NBAS: variants seen among roughly 807,000 people sequenced by gnomAD.
NBAS encodes the protein NAG/BC035112 fusion.
NBAS carries 219 observed loss-of-function variants against 302.5 expected under a neutral mutation model. The observed-to-expected ratio is 0.72, with a 90% CI of 0.65 to 0.81. The LOEUF (loss-of-function observed/expected upper bound fraction) is 0.81, where lower values mean the gene tolerates loss of function less well. NBAS is among the 30% of genes least tolerant of loss of function. The probability of loss-of-function intolerance (pLI) is 0.00; values close to 1 mark genes in which losing one functional copy is unlikely to be tolerated. For synonymous variants in NBAS, 1,118 were observed against 1,021.6 expected, an observed-to-expected ratio of 1.09 and a Z score of -1.80; for missense variants, 2,932 against 2,841.6, an observed-to-expected ratio of 1.03 and a Z score of -0.72.
chr2:15,084,572 C>T, the NBAS span, among the ~76,000 whole-genome samples: 1 of 152,104 alleles, frequency 6.6e-6, no homozygotes, highest in Non-Finnish European at 1.5e-5. Flanking sequence ...AACTGTGGCT[C>T]CATAAGGTGA....
the NBAS span, among the ~76,000 whole-genome samples, chr2:14,885,299 G>A: frequency 2.0e-5 from 3 of 152,142 alleles, no homozygotes; most frequent in African/African-American, 4.8e-5. Context: ...TATTTTAAAA[G>A]GCTGATAGCA....
the NBAS span, among the ~76,000 whole-genome samples, chr2:14,997,969 G>C: frequency 2.0e-5 from 3 of 152,156 alleles, no homozygotes; most frequent in Non-Finnish European, 4.4e-5. Context: ...TTTCTCATCT[G>C]TTCCTTTCTC....
intron 6 of NBAS, among the ~76,000 whole-genome samples, chr2:15,545,626 TTTAAC>T (rs2148700899): frequency 6.6e-6 from 1 of 152,334 alleles, no homozygotes; most frequent in African/African-American, 2.4e-5. Context: ...TTACTAGTAT[TTTAAC>T]TAAACTCAAG....
At chr2:15,485,009 CAAAGA>C (rs929651567) in intron 12 of NBAS, among the ~76,000 whole-genome samples, 58 of 152,124 alleles carry the variant, frequency 3.8e-4, no homozygotes, top group African/African-American at 1.3e-3. Context: ...GTGAAAGACT[CAAAGA>C]AACTATGGTT....
At chr2:15,354,561 T>C (rs1181811039) in intron 33 of NBAS, among the ~76,000 whole-genome samples, 1 of 152,236 alleles carries the variant, frequency 6.6e-6, no homozygotes, top group East Asian at 1.9e-4. Context: ...AAATTTAATG[T>C]TGCAAAATCA....
chr2:15,397,493 G>T, intron 26 of NBAS: 2 of 553,786 alleles, frequency 3.6e-6, no homozygotes, highest in Non-Finnish European at 3.3e-6. Flanking sequence ...TTGGCGTGGG[G>T]GTGTTCGGTC....
At chr2:15,232,539 G>A (rs775904335) in intron 46 of NBAS, 28 bp from the exon 47 acceptor site, 3 of 1,596,884 alleles carry the variant, frequency 1.9e-6, no homozygotes, top group East Asian at 2.2e-5. Context: ...AACTGATTCA[G>A]AAAAGGATCA....
At chr2:15,251,557 C>T (rs1413505635) in intron 44 of NBAS, among the ~76,000 whole-genome samples, 2 of 152,192 alleles carry the variant, frequency 1.3e-5, no homozygotes, top group African/African-American at 4.8e-5. Context: ...CTTGGGGCTG[C>T]TAATTGCCCA....
chr2:15,094,708 C>T, the NBAS span, among the ~76,000 whole-genome samples: 299 of 152,280 alleles, frequency 2.0e-3, 1 homozygote, highest in African/African-American at 6.8e-3. Context: ...TTCCCTCAGC[C>T]GGCTGAACCC....
the NBAS span, among the ~76,000 whole-genome samples, chr2:14,940,196 C>T: frequency 6.6e-6 from 1 of 152,198 alleles, no homozygotes; most frequent in Non-Finnish European, 1.5e-5. Flanking sequence ...TACCACATCT[C>T]CTCTAGCTGC....
At position 15,275,640 on chromosome 2, in the gene NBAS, C is replaced by A. The variant is rs779967314; in HGVS notation, c.5568G>T (p.Trp1856Cys). 6 of 1,614,012 alleles carry A rather than the reference C, an allele frequency of 3.7e-6. No homozygotes were observed. The highest frequency in any genetic ancestry group is 2.5e-6 in the Non-Finnish European group (3 of 1,180,040). The part of the protein sequence containing the change: ...LYTIWLQKLF[W>C]TGDPHLIKQV... ...GTTTAATGAGATGAGGGTCTCCAGT[C>A]CAGAACAACTTCTGTAACCAGATGG... is the stretch of plus-strand genomic sequence containing the variant. The change falls in exon 44 of 52, where the codon TGG becomes TGT. Residue 1856 changes from tryptophan to cysteine, a missense_variant. Transcript: ENST00000281513.
intron 38 of NBAS, among the ~76,000 whole-genome samples, chr2:15,314,808 A>G (rs530741405): frequency 6.6e-6 from 1 of 152,370 alleles, no homozygotes; most frequent in South Asian, 2.1e-4. Context: ...GTGGATGTAC[A>G]GTTTTATATG....
the NBAS span, among the ~76,000 whole-genome samples, chr2:14,829,266 G>C: frequency 6.6e-6 from 1 of 152,012 alleles, no homozygotes; most frequent in Non-Finnish European, 1.5e-5. Flanking sequence ...GAAAGAGTTA[G>C]AAACACCTAT....
chr2:14,943,889 A>T, the NBAS span, among the ~76,000 whole-genome samples: 1 of 152,212 alleles, frequency 6.6e-6, no homozygotes, highest in Non-Finnish European at 1.5e-5. Context: ...GCAAACAAGG[A>T]GTAGGCACCA....
chr2:15,256,961 G>T (rs943770976), intron 44 of NBAS, among the ~76,000 whole-genome samples: 6 of 152,100 alleles, frequency 3.9e-5, no homozygotes, highest in Non-Finnish European at 7.4e-5. Flanking sequence ...TGGTTATTTT[G>T]TTGAGGATTT....
At chr2:15,473,451 A>G in intron 15 of NBAS, 104 bp from the exon 16 acceptor site, 1 of 1,420,890 alleles carries the variant, frequency 7.0e-7, no homozygotes, top group East Asian at 2.4e-5. Flanking sequence ...CTTATCCAGC[A>G]TGTCACTAAT....
At chr2:15,268,571 G>A (rs1447552721) in intron 44 of NBAS, among the ~76,000 whole-genome samples, 1 of 152,234 alleles carries the variant, frequency 6.6e-6, no homozygotes, top group Non-Finnish European at 1.5e-5. Context: ...ACACATGATA[G>A]TTCTGCTGGA....
the NBAS span, among the ~76,000 whole-genome samples, chr2:15,067,994 C>G: frequency 6.6e-6 from 1 of 152,146 alleles, no homozygotes; most frequent in Non-Finnish European, 1.5e-5. Context: ...GTGTGCTTAG[C>G]CTCTAAGTTT....
chr2:15,518,392 A>T (rs1184537913), intron 9 of NBAS, among the ~76,000 whole-genome samples: 1 of 152,164 alleles, frequency 6.6e-6, no homozygotes, highest in Admixed American at 6.5e-5. Context: ...TTTTGCATTA[A>T]ATTCCTTCAC....
Sources: gnomAD v4.1 joint callset for allele counts (sites outside exome capture counted in the v4.1 genomes callset) on GRCh38, gnomAD v4.1.1 for gene constraint, MANE v1.5 for transcripts, NCBI Gene and HGNC (gene_info 2026-07-23, HGNC 2026-07-21) for gene names.